The following GARRE1 variants were observed in gnomAD, a reference collection of about 807,000 sequenced individuals.
The protein encoded by GARRE1 is granule associated Rac and RHOG effector 1, also known as granule associated Rac and RHOG effector protein 1.
GARRE1 carries 49 observed loss-of-function variants against 103.2 expected under a neutral mutation model. That is an observed-to-expected ratio of 0.47 (90% CI 0.38 to 0.60). The LOEUF is 0.60. Among genes scored for constraint, GARRE1 ranks in the 20% least tolerant of loss-of-function variants. GARRE1 has a pLI of 0.00. For missense variants in GARRE1, 1,199 were observed against 1,370.5 expected, an observed-to-expected ratio of 0.87 and a Z score of 1.98; for synonymous variants, 505 against 532.8, an observed-to-expected ratio of 0.95 and a Z score of 0.72.
At chr19:34,328,357 C>T (rs1000724390) in intron 6 of GARRE1, among the ~76,000 whole-genome samples, 1 of 151,848 alleles carries the variant, frequency 6.6e-6, no homozygotes, top group African/African-American at 2.4e-5. Flanking sequence ...TGGTGAAACC[C>T]TGTTTCTGCT....
intron 2 of GARRE1, among the ~76,000 whole-genome samples, chr19:34,313,996 T>TC (rs1467677460): frequency 6.6e-6 from 1 of 152,104 alleles, no homozygotes; most frequent in African/African-American, 2.4e-5. Flanking sequence ...AGACAGGGTT[T>TC]CACCATGTTG....
chr19:34,328,173 G>A, intron 6 of GARRE1, 22 bp downstream of exon 6: 1 of 1,609,964 alleles, frequency 6.2e-7, no homozygotes, highest in Non-Finnish European at 8.5e-7. Flanking sequence ...TGGGGTTCCA[G>A]CAAATGAGTG....
intron 1 of GARRE1, among the ~76,000 whole-genome samples, chr19:34,270,542 T>C (rs1167265690): frequency 6.6e-6 from 1 of 152,178 alleles, no homozygotes; most frequent in East Asian, 1.9e-4. Flanking sequence ...GGGCCTTGAC[T>C]GGCAGCTTGA....
chr19:34,321,157 C>T (rs1339085226), intron 3 of GARRE1, among the ~76,000 whole-genome samples: 3 of 144,680 alleles, frequency 2.1e-5, no homozygotes, highest in South Asian at 2.2e-4. Context: ...CCCAGGTTCA[C>T]GCCATTCTCC....
At chr19:34,340,723 G>C (rs1470423506) in intron 9 of GARRE1, among the ~76,000 whole-genome samples, 2 of 152,110 alleles carry the variant, frequency 1.3e-5, no homozygotes, top group African/African-American at 4.8e-5. Context: ...GGGTTTCGCT[G>C]TGTTGGCCAG....
intron 3 of GARRE1, among the ~76,000 whole-genome samples, chr19:34,324,143 C>T (rs990616877): frequency 6.6e-6 from 1 of 152,172 alleles, no homozygotes; most frequent in Non-Finnish European, 1.5e-5. Flanking sequence ...TTTTCTCTCC[C>T]TCATCCTCAG....
chr19:34,349,466 C>A (rs984968158), intron 12 of GARRE1, among the ~76,000 whole-genome samples: 3 of 152,210 alleles, frequency 2.0e-5, no homozygotes, highest in African/African-American at 7.2e-5. Flanking sequence ...TCTGGACTCA[C>A]CAACAGGCTC....
chr19:34,272,343 C>T (rs2073792815), intron 1 of GARRE1, among the ~76,000 whole-genome samples: 1 of 152,090 alleles, frequency 6.6e-6, no homozygotes, highest in African/African-American at 2.4e-5. Flanking sequence ...GGATCACAGG[C>T]GCCCACCACC....
At chr19:34,264,094 T>C (rs1411021952) in intron 1 of GARRE1, among the ~76,000 whole-genome samples, 1 of 152,098 alleles carries the variant, frequency 6.6e-6, no homozygotes, top group Non-Finnish European at 1.5e-5. Context: ...ACCGTAAGTG[T>C]AAAGATGTGT....
At chr19:34,325,910 G>A (rs890435100) in intron 3 of GARRE1, among the ~76,000 whole-genome samples, 3 of 151,882 alleles carry the variant, frequency 2.0e-5, no homozygotes, top group Admixed American at 6.6e-5. Context: ...TTCCATTCAC[G>A]ACCTTCTCCT....
At chr19:34,289,241 T>G (rs1350241891) in intron 1 of GARRE1, among the ~76,000 whole-genome samples, 2 of 151,904 alleles carry the variant, frequency 1.3e-5, no homozygotes, top group Admixed American at 1.3e-4. Context: ...GAGACCAGCC[T>G]GCGCAACATG....
In GARRE1 at chr19:34,347,952, ACGGTCGCCGGC is replaced by A; in HGVS notation, c.2599_2609del (p.Gly867ArgfsTer12). ...ATGCAGCAGAAGCGGCAGGCCCAGCACGGTCGCCGGCCAGGCAACCCCCGGGGCAACTGGCC... is the reference window on the plus strand; with the variant it reads ...ATGCAGCAGAAGCGGCAGGCCCAGCACAGGCAACCCCCGGGGCAACTGGCC... On this transcript the variant is annotated frameshift_variant, in exon 11 of 14. Transcript: ENST00000299505. LOFTEE classifies it high-confidence loss of function. 6.3e-7 allele frequency: 1 copy of A among 1,591,954 alleles called. No individual in the cohort carries two copies. Among genetic ancestry groups the A allele is most frequent in the Non-Finnish European group, 8.6e-7 (1 of 1,168,562 alleles).
intron 2 of GARRE1, among the ~76,000 whole-genome samples, chr19:34,312,594 G>T (rs886124358): frequency 1.3e-5 from 2 of 152,110 alleles, no homozygotes; most frequent in Non-Finnish European, 2.9e-5. Context: ...TGTCTTTAAG[G>T]CTCATTCATG....
chr19:34,347,954 G>T lies in GARRE1; in HGVS notation c.2599G>T (p.Gly867Cys). The T allele has an allele frequency of 6.3e-7, 1 of 1,589,082 alleles. No individual in the cohort carries two copies. The highest frequency in any genetic ancestry group is 8.6e-7 in the Non-Finnish European group (1 of 1,166,736). ...AMQQKRQAQH[G>C]RRPGNPRGNW... is the part of the protein sequence containing the mutation. Reference sequence around the variant, plus strand: ...GCAGCAGAAGCGGCAGGCCCAGCACGGTCGCCGGCCAGGCAACCCCCGGGG... The same window carrying T: ...GCAGCAGAAGCGGCAGGCCCAGCACTGTCGCCGGCCAGGCAACCCCCGGGG... The change falls in exon 11 of 14, where the codon GGT becomes TGT. Residue 867 changes from glycine (G) to cysteine (C), a missense_variant. Coordinates refer to ENST00000299505, the MANE Select transcript of GARRE1 (RefSeq NM_014686.5).
At chr19:34,274,071 G>A (rs1395275648) in intron 1 of GARRE1, among the ~76,000 whole-genome samples, 1 of 152,092 alleles carries the variant, frequency 6.6e-6, no homozygotes. Context: ...GCTTTGGTAC[G>A]GCAGTGAAGA....
chr19:34,281,792 C>A (rs900391455), intron 1 of GARRE1, among the ~76,000 whole-genome samples: 3 of 152,186 alleles, frequency 2.0e-5, no homozygotes, highest in African/African-American at 7.2e-5. Flanking sequence ...AATATAGATT[C>A]ATTTGTCTTT....
intron 3 of GARRE1, among the ~76,000 whole-genome samples, chr19:34,325,119 GA>G (rs1218502064): frequency 6.6e-6 from 1 of 152,116 alleles, no homozygotes; most frequent in South Asian, 2.1e-4. Context: ...TGACATCCAA[GA>G]ACCAACCTTT....
intron 1 of GARRE1, among the ~76,000 whole-genome samples, chr19:34,289,646 C>G (rs2073906080): frequency 6.6e-6 from 1 of 151,680 alleles, no homozygotes; most frequent in African/African-American, 2.4e-5. Context: ...ATCGCTTGAA[C>G]CCAGGAGGCA....
chr19:34,293,625 G>A (rs970925626), intron 1 of GARRE1, among the ~76,000 whole-genome samples: 2 of 150,364 alleles, frequency 1.3e-5, no homozygotes, highest in Non-Finnish European at 2.9e-5. Flanking sequence ...GAACTTCTGG[G>A]CTCAAGTGAT....
Sources: gnomAD v4.1 joint callset for allele counts (sites outside exome capture counted in the v4.1 genomes callset) on GRCh38, gnomAD v4.1.1 for gene constraint, MANE v1.5 for transcripts, NCBI Gene and HGNC (gene_info 2026-07-23, HGNC 2026-07-21) for gene names.